The following SUMF1 variants were observed in gnomAD, a reference collection of about 807,000 sequenced individuals.
SUMF1 encodes sulfatase modifying factor 1.
In SUMF1, 48 loss-of-function variants were observed where a neutral mutation model predicts 47.6. The observed-to-expected ratio is 1.01, with a 90% confidence interval of 0.80 to 1.28. The LOEUF (loss-of-function observed/expected upper bound fraction) is 1.28. SUMF1 is among the 50% of genes most tolerant of loss of function. The pLI is 0.00. For missense variants in SUMF1, 571 were observed against 485.4 expected, an observed-to-expected ratio of 1.18 and a Z score of -1.66; for synonymous variants, 230 against 192.1, an observed-to-expected ratio of 1.20 and a Z score of -1.63.
chr3:4,099,676 T>C (rs1029767343), intron 8 of SUMF1, among the ~76,000 whole-genome samples: 1 of 152,012 alleles, frequency 6.6e-6, no homozygotes, highest in Non-Finnish European at 1.5e-5. Flanking sequence ...AAATTGTCTG[T>C]TTGCTGAGGA....
intron 8 of SUMF1, among the ~76,000 whole-genome samples, chr3:4,295,446 TG>T (rs1697830990): frequency 6.6e-6 from 1 of 151,796 alleles, no homozygotes; most frequent in Non-Finnish European, 1.5e-5. Flanking sequence ...AAAAGGCTGG[TG>T]GTGTGCCTTA....
At chr3:4,045,903 G>C (rs1205994834) in intron 9 of SUMF1, among the ~76,000 whole-genome samples, 1 of 152,082 alleles carries the variant, frequency 6.6e-6, no homozygotes, top group Non-Finnish European at 1.5e-5. Context: ...AATGATTCCC[G>C]AGCTGGGCAC....
intron 8 of SUMF1, among the ~76,000 whole-genome samples, chr3:4,291,571 T>C (rs77726207): frequency 8.1e-4 from 123 of 152,326 alleles, no homozygotes; most frequent in South Asian, 5.4e-3. Context: ...AAGGATTTTA[T>C]ACTTCTCCAA....
At chr3:4,135,471 T>C (rs1693903272) in intron 8 of SUMF1, among the ~76,000 whole-genome samples, 1 of 139,890 alleles carries the variant, frequency 7.1e-6, no homozygotes, top group Non-Finnish European at 1.6e-5. Context: ...ATGGGATGTA[T>C]CTCAAAATAA....
intron 8 of SUMF1, among the ~76,000 whole-genome samples, chr3:4,144,545 T>C (rs190706907): frequency 6.6e-6 from 1 of 152,242 alleles, no homozygotes; most frequent in East Asian, 1.9e-4. Flanking sequence ...CAGTTTCCCA[T>C]ACATGCCTTA....
intron 8 of SUMF1, among the ~76,000 whole-genome samples, chr3:4,211,503 A>G (rs1413450945): frequency 1.3e-5 from 2 of 152,022 alleles, no homozygotes; most frequent in Non-Finnish European, 2.9e-5. Context: ...AAGAGAAAAT[A>G]ATAAAGCTTC....
Position 4,100,228 on chromosome 3 carries a change from C to T in SUMF1, c.1015-31483G>A, listed in dbSNP as rs1409022919. On this transcript the variant is annotated intron_variant and NMD_transcript_variant, in intron 8 of 12. Transcript: ENST00000448413. ...TGGAACCACAAAAGACACTGAAAAG[C>T]CAAAGCAATCGTGACCAAAAAGAAC... is the stretch of plus-strand genomic sequence containing the variant. Among the ~76,000 whole-genome samples, 5 of 151,618 alleles carry T rather than the reference C, an allele frequency of 3.3e-5. No individual in the cohort carries two copies. In the East Asian group the frequency reaches 7.7e-4, roughly 23 times the overall value.
In SUMF1 at chr3:4,369,052, T is replaced by G. The variant is rs1700084534; in HGVS notation, c.1015-6798A>C. On this transcript the variant is annotated intron_variant, in intron 8 of 8. Transcript: ENST00000272902. ...GATAAGTTGGCATGCAAAAGGTTTT[T>G]TTTTTTTTTTAAATTATTCTCTTTT... Among the ~76,000 whole-genome samples, 3 of 57,544 alleles carry G rather than the reference T, an allele frequency of 5.2e-5. 1 individual carries two copies. In the South Asian group the frequency reaches 1.1e-3, roughly 21 times the overall value. 37.8% of individuals were successfully genotyped at this position (57,544 alleles called of 152,430 possible).
chr3:4,245,629 A>T (rs6784512), intron 8 of SUMF1, among the ~76,000 whole-genome samples: 4,192 of 152,064 alleles, frequency 0.028, 194 homozygotes, highest in African/African-American at 0.096. Context: ...CCAGAGGGTC[A>T]CCCACCTGTA....
At chr3:4,341,510 G>A (rs1699272193) in intron 8 of SUMF1, among the ~76,000 whole-genome samples, 1 of 151,564 alleles carries the variant, frequency 6.6e-6, no homozygotes, top group African/African-American at 2.4e-5. Flanking sequence ...AGGGTTTTTT[G>A]TTTCCAGAAT....
At chr3:4,355,750 G>A (rs1302160080) in intron 8 of SUMF1, among the ~76,000 whole-genome samples, 1 of 152,166 alleles carries the variant, frequency 6.6e-6, no homozygotes, top group Non-Finnish European at 1.5e-5. Context: ...CAGACCCAAG[G>A]GCGGGAGAGC....
intron 8 of SUMF1, among the ~76,000 whole-genome samples, chr3:4,368,879 A>G (rs996372731): frequency 3.9e-5 from 6 of 152,146 alleles, no homozygotes; most frequent in African/African-American, 1.4e-4. Context: ...ATAAAAATAA[A>G]CTAGTCATCC....
At chr3:4,107,292 G>C (rs928793213) in intron 8 of SUMF1, among the ~76,000 whole-genome samples, 3 of 152,166 alleles carry the variant, frequency 2.0e-5, no homozygotes, top group South Asian at 4.2e-4. Context: ...GCTGTGCACA[G>C]AGTTAACCTT....
chr3:4,083,600 A>G (rs1037533902), intron 8 of SUMF1, among the ~76,000 whole-genome samples: 2 of 152,156 alleles, frequency 1.3e-5, no homozygotes, highest in African/African-American at 4.8e-5. Context: ...GTTCCAAGGA[A>G]AGCACATTCC....
intron 8 of SUMF1, among the ~76,000 whole-genome samples, chr3:4,128,667 C>T (rs1386975825): frequency 1.3e-5 from 2 of 152,094 alleles, no homozygotes; most frequent in Non-Finnish European, 2.9e-5. Flanking sequence ...AGGTGTGCTA[C>T]ACTCAAAAAG....
chr3:4,389,732 G>A (rs73809536), intron 7 of SUMF1, among the ~76,000 whole-genome samples: 4,805 of 152,034 alleles, frequency 0.032, 256 homozygotes, highest in African/African-American at 0.11. Flanking sequence ...CCCCCTCTGT[G>A]CCCTCCATTC....
chr3:4,278,038 A>C, intron 8 of SUMF1, among the ~76,000 whole-genome samples: 1 of 152,278 alleles, frequency 6.6e-6, no homozygotes, highest in Non-Finnish European at 1.5e-5. Flanking sequence ...GCTACAACAC[A>C]AGAGAGGAGT....
At chr3:4,327,442 T>C (rs1015120867) in intron 8 of SUMF1, among the ~76,000 whole-genome samples, 1 of 152,102 alleles carries the variant, frequency 6.6e-6, no homozygotes, top group Non-Finnish European at 1.5e-5. Flanking sequence ...AAACAGCTTT[T>C]TGGGAAGAAT....
chr3:4,423,067 A>C (rs1168660587), intron 3 of SUMF1, among the ~76,000 whole-genome samples: 1 of 152,212 alleles, frequency 6.6e-6, no homozygotes, highest in Non-Finnish European at 1.5e-5. Context: ...CTTCACTTAG[A>C]ATAATGGAAA....
Sources: allele counts gnomAD v4.1 joint callset (sites outside exome capture counted in the v4.1 genomes callset), GRCh38; gene constraint gnomAD v4.1.1; transcripts MANE v1.5; gene names NCBI Gene and HGNC (gene_info 2026-07-23, HGNC 2026-07-21).